Variants in CCDC93 observed in about 807,000 individuals in gnomAD.
The protein encoded by CCDC93 is coiled-coil domain-containing protein 93.
CCDC93 carries 61 observed loss-of-function variants against 108.2 expected under a neutral mutation model. The ratio of observed to expected loss-of-function variants is 0.56; its 90% CI spans 0.46 to 0.70. The LOEUF (loss-of-function observed/expected upper bound fraction) is 0.70. CCDC93 is among the 30% of genes least tolerant of loss of function. The pLI is 0.00. For synonymous variants in CCDC93, 276 were observed against 260.4 expected, an observed-to-expected ratio of 1.06 and a Z score of -0.58; for missense variants, 685 against 764.2, an observed-to-expected ratio of 0.90 and a Z score of 1.22.
chr2:117,951,176 TCC>T (rs1679044672), intron 13 of CCDC93: 1 of 985,350 alleles, frequency 1.0e-6, no homozygotes, highest in Non-Finnish European at 1.2e-6. Flanking sequence ...CAAAGACAGA[TCC>T]ACGAATTGGC....
At chr2:117,999,223 T>C (rs946793243) in intron 4 of CCDC93, 1 of 152,180 alleles carries the variant, frequency 6.6e-6, no homozygotes, top group Non-Finnish European at 1.5e-5. Context: ...TGACCCTATA[T>C]TTCAAAATCT....
intron 6 of CCDC93, among the ~76,000 whole-genome samples, chr2:117,990,514 T>C (rs1680444813): frequency 6.6e-6 from 1 of 152,174 alleles, no homozygotes; most frequent in Non-Finnish European, 1.5e-5. Context: ...GCAAGAAGTA[T>C]TAAAAGCCTT....
chr2:117,920,561 A>G (rs543378018), intron 23 of CCDC93, among the ~76,000 whole-genome samples, 165 bp from the exon 24 acceptor site: 1 of 152,300 alleles, frequency 6.6e-6, no homozygotes, highest in Admixed American at 6.5e-5. Flanking sequence ...CTGATGACCT[A>G]CTGACATCAA....
At position 117,935,475 on chromosome 2, in the gene CCDC93, C is replaced by G; in HGVS notation, c.1728+20G>C. ...CCACTATAAAACCTGGGCTGCATTACAGAAAAGAAGCCATCTGACCTTCAT... is the reference window on the plus strand; with the variant it reads ...CCACTATAAAACCTGGGCTGCATTAGAGAAAAGAAGCCATCTGACCTTCAT... On this transcript the variant is annotated intron_variant, in intron 22 of 23. Coordinates refer to ENST00000376300, the MANE Select transcript of CCDC93 (RefSeq NM_019044.5). 1.9e-6 allele frequency: 3 copies of G among 1,592,374 alleles called. No individual in the cohort carries two copies. Among genetic ancestry groups the G allele is most frequent in the Non-Finnish European group, 2.6e-6 (3 of 1,160,322 alleles).
chr2:117,956,457 C>T (rs1396408725), intron 12 of CCDC93, among the ~76,000 whole-genome samples: 2 of 152,110 alleles, frequency 1.3e-5, no homozygotes, highest in South Asian at 2.1e-4. Context: ...AGCAAATGTC[C>T]GTTCCTGCTG....
rs1677811426 is a variant in CCDC93 at position 117,920,146 on chromosome 2, G to GT, written c.*196dup. ...GGATGATGGGTGTTATCCAAGCCAC[G>GT]TGTTTACTGTCTGACTCCATCAACA... On this transcript the variant is annotated 3_prime_UTR_variant, in exon 24 of 24. Coordinates refer to ENST00000376300, the MANE Select transcript of CCDC93 (RefSeq NM_019044.5). 4 of 492,394 alleles carry GT rather than the reference G, an allele frequency of 8.1e-6. No homozygotes were observed. In the South Asian group the frequency reaches 1.4e-4, roughly 17 times the overall value. The allele number at this position is 492,394 out of a possible 1,614,324, so 30.5% of individuals were successfully genotyped here. A position where few individuals can be genotyped will look rare whatever the true frequency, so the allele number is the denominator to read the frequency against.
chr2:117,921,108 C>T (rs1161961652), intron 23 of CCDC93, among the ~76,000 whole-genome samples: 1 of 143,952 alleles, frequency 6.9e-6, no homozygotes, highest in Non-Finnish European at 1.5e-5. Flanking sequence ...ACCCAGGAGG[C>T]GGAGCTTGCA....
At chr2:118,007,767 A>C (rs1243315092) in intron 2 of CCDC93, among the ~76,000 whole-genome samples, 1 of 152,244 alleles carries the variant, frequency 6.6e-6, no homozygotes, top group Non-Finnish European at 1.5e-5. Flanking sequence ...TCCAGGGCCC[A>C]AGCCCAGACC....
rs972016703 is a variant in CCDC93, at chr2:117,919,695, C to G, written c.*648G>C. The G allele has an allele frequency of 2.0e-5, 3 of 152,218 alleles. No homozygotes were observed. The highest frequency in any genetic ancestry group is 4.4e-5 in the Non-Finnish European group (3 of 68,038). 9.4% of individuals were successfully genotyped at this position (152,218 alleles called of 1,614,324 possible). A position where few individuals can be genotyped will look rare whatever the true frequency, so the allele number is the denominator to read the frequency against. Reference sequence around the variant, plus strand: ...GTAACGTATAAAAATTAAAACAACACTGAACTTTCGTTCCAGTTGCTGTCA... The same window carrying G: ...GTAACGTATAAAAATTAAAACAACAGTGAACTTTCGTTCCAGTTGCTGTCA... On this transcript the variant is annotated 3_prime_UTR_variant, in exon 24 of 24. Coordinates refer to ENST00000376300, the MANE Select transcript of CCDC93 (RefSeq NM_019044.5).
At chr2:117,952,229 A>G in intron 13 of CCDC93, 144 bp downstream of exon 13, 1 of 687,434 alleles carries the variant, frequency 1.5e-6, no homozygotes, top group Non-Finnish European at 2.7e-6. Context: ...TAACTGTCCT[A>G]TGTCCTCAAA....
rs1465144169 is a variant in CCDC93 at position 117,917,555 on chromosome 2, CAG to C, written c.*2786_*2787del. 6.6e-6 allele frequency: 1 copy of C among 152,414 alleles called. No homozygotes were observed. Among genetic ancestry groups the C allele is most frequent in the Admixed American group, 6.6e-5 (1 of 15,264 alleles). 9.4% of individuals were successfully genotyped at this position (152,414 alleles called of 1,614,324 possible). Reference sequence around the variant, plus strand: ...TAAAACCATGAACTTCGGACTCTAACAGAGATATGCTTGACAAACTGGGAATT... The same window carrying C: ...TAAAACCATGAACTTCGGACTCTAACAGATATGCTTGACAAACTGGGAATT... On this transcript the variant is annotated 3_prime_UTR_variant, in exon 24 of 24. Transcript: ENST00000376300.
At position 117,920,338 on chromosome 2, in the gene CCDC93, G is replaced by T. The variant is rs1246790482; in HGVS notation, c.*5C>A. The T allele has an allele frequency of 6.2e-7, 1 of 1,609,314 alleles. No homozygotes were observed. Among genetic ancestry groups the T allele is most frequent in the South Asian group, 1.1e-5 (1 of 90,774 alleles). On this transcript the variant is annotated 3_prime_UTR_variant, in exon 24 of 24. Transcript: ENST00000376300. ...TCAATGACATACAGCCACGGCTGGG[G>T]ATGTTCAGGAGGCCTTCGCTTTCAC...
chr2:117,948,198 A>G lies in CCDC93; in HGVS notation c.1143-12T>C. ...GGTTCTGTAGGATACTGAAGAGAAA[A>G]GACAAAAAAATGACATATGGCAGGC... On this transcript the variant is annotated splice_polypyrimidine_tract_variant and intron_variant, in intron 14 of 23. Transcript: ENST00000376300. The G allele has an allele frequency of 8.7e-6, 14 of 1,601,380 alleles. No homozygotes were observed. The highest frequency in any genetic ancestry group is 1.3e-5 in the African/African-American group (1 of 74,722).
chr2:117,982,221 T>G (rs1181597800), intron 7 of CCDC93, among the ~76,000 whole-genome samples: 1 of 152,086 alleles, frequency 6.6e-6, no homozygotes, highest in Non-Finnish European at 1.5e-5. Flanking sequence ...TTCTGGTGGC[T>G]GTGCTCCAAA....
Position 117,925,336 on chromosome 2 carries a change from A to G in CCDC93, c.1843-4940T>C, listed in dbSNP as rs140671425. On this transcript the variant is annotated intron_variant, in intron 23 of 23. Transcript: ENST00000376300. The stretch of plus-strand genomic sequence containing the variant: ...AAAGACACAGACTGGCAAACTGGAT[A>G]AAGAGTCAAGACCCATCAGTGTGCT... Among the ~76,000 whole-genome samples, 92 of 152,340 alleles carry G rather than the reference A, an allele frequency of 6.0e-4. 1 individual carries two copies. The highest frequency in any genetic ancestry group is 1.8e-3 in the African/African-American group (74 of 41,576).
intron 3 of CCDC93, among the ~76,000 whole-genome samples, chr2:118,006,244 C>T (rs1398458638): frequency 6.6e-6 from 1 of 152,182 alleles, no homozygotes; most frequent in Non-Finnish European, 1.5e-5. Context: ...GTGGCTGTTC[C>T]AAGGCCACAC....
chr2:117,924,843 T>G (rs1013127719), intron 23 of CCDC93, among the ~76,000 whole-genome samples: 3 of 152,054 alleles, frequency 2.0e-5, no homozygotes, highest in Non-Finnish European at 4.4e-5. Context: ...TCACCAAAGT[T>G]GAAATGGAAA....
chr2:117,946,722 G>T, intron 16 of CCDC93, 89 bp downstream of exon 16: 1 of 854,472 alleles, frequency 1.2e-6, no homozygotes. Flanking sequence ...GGATAAGTTA[G>T]CAACAGCGGT....
intron 20 of CCDC93, among the ~76,000 whole-genome samples, chr2:117,937,473 A>G (rs1225886223): frequency 5.3e-5 from 8 of 152,232 alleles, no homozygotes; most frequent in African/African-American, 1.4e-4. Flanking sequence ...CTCCACAGGA[A>G]GGTTTTAAAC....
Sources: allele counts gnomAD v4.1 joint callset (sites outside exome capture counted in the v4.1 genomes callset), GRCh38; gene constraint gnomAD v4.1.1; transcripts MANE v1.5; gene names NCBI Gene and HGNC (gene_info 2026-07-23, HGNC 2026-07-21).